Variants in FAM83G observed in about 807,000 individuals in gnomAD.
FAM83G encodes protein FAM83G.
FAM83G carries 38 observed loss-of-function variants against 61.5 expected under a neutral mutation model. The ratio of observed to expected loss-of-function variants is 0.62; its 90% CI spans 0.48 to 0.81. The LOEUF (loss-of-function observed/expected upper bound fraction) is 0.81, where lower values mean the gene tolerates loss of function less well. Among genes scored for constraint, FAM83G ranks in the 30% least tolerant of loss-of-function variants. The pLI is 0.00. For missense variants in FAM83G, 989 were observed against 1,133.6 expected, an observed-to-expected ratio of 0.87 and a Z score of 1.83; for synonymous variants, 470 against 476.1, an observed-to-expected ratio of 0.99 and a Z score of 0.17.
chr17:18,983,536 T>C (rs112871523), intron 3 of FAM83G, among the ~76,000 whole-genome samples: 7,768 of 152,058 alleles, frequency 0.051, 641 homozygotes, highest in African/African-American at 0.17. Context: ...AGTGGGGAGG[T>C]CCAGAGATGC....
Position 19,004,130 on chromosome 17 carries a change from G to T in FAM83G, c.-89C>A. 7.6e-7 allele frequency: 1 copy of T among 1,307,624 alleles called. No homozygotes were observed. Among genetic ancestry groups the T allele is most frequent in the Non-Finnish European group, 1.0e-6 (1 of 954,974 alleles). 81.0% of individuals were successfully genotyped at this position (1,307,624 alleles called of 1,614,324 possible). On this transcript the variant is annotated 5_prime_UTR_variant, in exon 2 of 6. Transcript: ENST00000388995. The surrounding 1 kb of genome is among the most constrained non-coding windows in gnomAD (Gnocchi z 5.4). ...CCCAGCTGGGGCACCGCGCGCTCGG[G>T]GGCCTCTCCGCGGCCTCTGCTTCTC...
intron 2 of FAM83G, among the ~76,000 whole-genome samples, chr17:18,989,456 C>T (rs1279327361): frequency 7.7e-6 from 1 of 129,638 alleles, no homozygotes; most frequent in Non-Finnish European, 1.6e-5. Context: ...AGGCCCCCAT[C>T]GTTCACCTGG....
intron 5 of FAM83G, 123 bp downstream of exon 5, chr17:18,977,461 G>A (rs1185639275): frequency 1.0e-5 from 10 of 1,000,896 alleles, no homozygotes; most frequent in Non-Finnish European, 1.5e-5. Flanking sequence ...TTCCCCATCT[G>A]TAACAAGGGA....
rs1444665384 is a variant in FAM83G, at chr17:18,978,203, G to C, written c.1463C>G (p.Pro488Arg). 3 of 1,559,996 alleles carry C rather than the reference G, an allele frequency of 1.9e-6. No homozygotes were observed. The highest frequency in any genetic ancestry group is 2.6e-6 in the Non-Finnish European group (3 of 1,153,548). Residue 488 changes from proline (P) to arginine (R), a missense_variant, in exon 5 of 6, where the codon CCA becomes CGA. Transcript: ENST00000388995. ...CCCCTGGGGGAGGCCGTTCTCAGCT[G>C]GGACACCGTCCTGGGGGGCACTGGG... ...PEPSAPQDGVPAENGLPQGDP... is the reference protein window; with the variant it reads ...PEPSAPQDGVRAENGLPQGDP...
chr17:18,973,484 G>A (rs566078462), intron 5 of FAM83G, among the ~76,000 whole-genome samples: 131 of 152,320 alleles, frequency 8.6e-4, no homozygotes, highest in African/African-American at 3.1e-3. Context: ...CCCTTGGGCT[G>A]GGTCTGCCTG....
At chr17:18,998,621 ACT>A (rs2043632587) in intron 2 of FAM83G, among the ~76,000 whole-genome samples, 1 of 152,086 alleles carries the variant, frequency 6.6e-6, no homozygotes. Context: ...ACGGGCAGGC[ACT>A]CTCTCCTTAG....
At position 18,970,836 on chromosome 17, in the gene FAM83G, TAAA is replaced by T. The variant is rs530597462; in HGVS notation, c.*520_*522del. 0.012 allele frequency: 5,993 copies of T among 508,684 alleles called. 279 individuals are homozygous for T. Among genetic ancestry groups the T allele is most frequent in the African/African-American group, 0.11 (5,338 of 50,330 alleles). 31.5% of individuals were successfully genotyped at this position (508,684 alleles called of 1,614,324 possible). On this transcript the variant is annotated 3_prime_UTR_variant, in exon 6 of 6. Transcript: ENST00000388995. ...ATAAAATAGTCATTCAAATACACCT[TAAA>T]AAAAAAAACAACCCTCTACCCTCAC...
chr17:18,994,321 C>T (rs1387319697), intron 2 of FAM83G, among the ~76,000 whole-genome samples: 1 of 152,208 alleles, frequency 6.6e-6, no homozygotes, highest in African/African-American at 2.4e-5. Flanking sequence ...TATTTCCAGG[C>T]TGCAGCACAG....
Position 19,004,321 on chromosome 17 carries a change from T to C in FAM83G, c.-128-152A>G. ...ATGAGGTGGGGGCACTGGACTGGGATGGGAAGAAAGTAAGGGATCGGAACA... is the reference window on the plus strand; with the variant it reads ...ATGAGGTGGGGGCACTGGACTGGGACGGGAAGAAAGTAAGGGATCGGAACA... On this transcript the variant is annotated intron_variant, in intron 1 of 5. Coordinates refer to ENST00000388995, the MANE Select transcript of FAM83G (RefSeq NM_001039999.3). This position sits in a 1 kb window ranked among gnomAD's most constrained non-coding sequence, Gnocchi z 5.4. 1 of 405,666 alleles carries C rather than the reference T, an allele frequency of 2.5e-6. No homozygotes were observed. The highest frequency in any genetic ancestry group is 4.4e-6 in the Non-Finnish European group (1 of 226,878). The allele number at this position is 405,666 out of a possible 1,614,324, so 25.1% of individuals were successfully genotyped here.
chr17:18,987,944 G>A lies in FAM83G; in HGVS notation c.690+303C>T, dbSNP rs572292076. 6.6e-5 allele frequency among the ~76,000 whole-genome samples: 10 copies of A among 152,358 alleles called. No homozygotes were observed. The South Asian group carries it at 1.9e-3, about 28-fold the overall frequency. On this transcript the variant is annotated intron_variant, in intron 3 of 5. Coordinates refer to ENST00000388995, the MANE Select transcript of FAM83G (RefSeq NM_001039999.3). ...GAGGTATGCAAGCAAACAGATAACCGATGTGGCATGGGCTGCTCTGAAATA... is the reference window on the plus strand; with the variant it reads ...GAGGTATGCAAGCAAACAGATAACCAATGTGGCATGGGCTGCTCTGAAATA...
chr17:18,997,802 G>GA (rs2043604593), intron 2 of FAM83G, among the ~76,000 whole-genome samples: 1 of 152,234 alleles, frequency 6.6e-6, no homozygotes, highest in African/African-American at 2.4e-5. Flanking sequence ...AGTGAGGAGT[G>GA]AAGGTGGAGG....
intron 3 of FAM83G, among the ~76,000 whole-genome samples, chr17:18,986,618 A>G (rs1234562327): frequency 6.6e-6 from 1 of 152,236 alleles, no homozygotes; most frequent in South Asian, 2.1e-4. Flanking sequence ...CTCTGCAAGC[A>G]GCGGAGCAGC....
intron 2 of FAM83G, among the ~76,000 whole-genome samples, chr17:18,990,286 C>T (rs1350578277): frequency 6.6e-6 from 1 of 152,178 alleles, no homozygotes; most frequent in Non-Finnish European, 1.5e-5. Context: ...AGACACGATG[C>T]AGGCAGGTCA....
In FAM83G at chr17:18,971,679, G is replaced by A; in HGVS notation, c.2152C>T (p.Pro718Ser). 1 of 1,610,486 alleles carries A rather than the reference G, an allele frequency of 6.2e-7. No homozygotes were observed. Among genetic ancestry groups the A allele is most frequent in the Non-Finnish European group, 8.5e-7 (1 of 1,177,772 alleles). ...CTGTCAGCAGCAGAGCGGTACCTAG[G>A]GGGTCCTGGGAAGCCGTCTTTATCC... ...TRDKDGFPGP[P>S]RYRSAADSVQ... Residue 718 changes from proline (P) to serine (S), a missense_variant, in exon 6 of 6, where the codon CCT becomes TCT. Physicochemically the swap from Pro to Ser is moderately conservative, Grantham distance 74. Around this residue, in one of 3 missense-constraint regions of FAM83G, gnomAD observed 574 missense variants for 645.1 expected, o/e 0.89. Transcript: ENST00000388995. The surrounding 1 kb of genome is among the most constrained non-coding windows in gnomAD (Gnocchi z 5.5).
rs2042840581 is a variant in FAM83G, at chr17:18,971,339, C to T, written c.*20G>A. ...TGGGCTGGGGCCTCAGAAGGTGTGG[C>T]TCCAGGCTGGGACATGCTGCTAGGG... is the stretch of plus-strand genomic sequence containing the variant. On this transcript the variant is annotated 3_prime_UTR_variant, in exon 6 of 6. Coordinates refer to ENST00000388995, the MANE Select transcript of FAM83G (RefSeq NM_001039999.3). The surrounding 1 kb of genome is among the most constrained non-coding windows in gnomAD (Gnocchi z 5.5). 2 of 1,605,156 alleles carry T rather than the reference C, an allele frequency of 1.2e-6. No homozygotes were observed. Among genetic ancestry groups the T allele is most frequent in the East Asian group, 2.2e-5 (1 of 44,666 alleles).
chr17:18,994,043 C>T (rs746497869), intron 2 of FAM83G, among the ~76,000 whole-genome samples: 17 of 152,196 alleles, frequency 1.1e-4, no homozygotes, highest in Admixed American at 8.5e-4. Flanking sequence ...CACTACCCTC[C>T]GGGCCAGCTG....
intron 2 of FAM83G, among the ~76,000 whole-genome samples, chr17:18,994,448 A>C (rs889154464): frequency 6.6e-6 from 1 of 152,172 alleles, no homozygotes; most frequent in Non-Finnish European, 1.5e-5. Flanking sequence ...AGCTGCACAG[A>C]GTGAACTCCA....
chr17:18,970,534 A>T lies in FAM83G; in HGVS notation c.*825T>A. ...CCTGTCTCCCTCTTCTCTGTGCCTCAGGGGGTGGGGCCACATCACCACCAG... is the reference window on the plus strand; with the variant it reads ...CCTGTCTCCCTCTTCTCTGTGCCTCTGGGGGTGGGGCCACATCACCACCAG... On this transcript the variant is annotated 3_prime_UTR_variant, in exon 6 of 6. Coordinates refer to ENST00000388995, the MANE Select transcript of FAM83G (RefSeq NM_001039999.3). The T allele has an allele frequency of 5.8e-6, 1 of 172,914 alleles. No homozygotes were observed. Among genetic ancestry groups the T allele is most frequent in the South Asian group, 1.4e-4 (1 of 7,370 alleles). The allele number at this position is 172,914 out of a possible 1,614,324, so 10.7% of individuals were successfully genotyped here.
chr17:19,002,118 C>CCCT (rs57993472), intron 2 of FAM83G, among the ~76,000 whole-genome samples: 21,050 of 152,096 alleles, frequency 0.14, 1,537 homozygotes, highest in African/African-American at 0.18. Context: ...TTCCTCCTCC[C>CCCT]CCTCCTCCTC....
Sources: gnomAD v4.1 joint callset for allele counts (sites outside exome capture counted in the v4.1 genomes callset) on GRCh38, gnomAD v4.1.1 for gene constraint, gnomAD v4.1.1 regional missense constraint, Gnocchi (gnomAD v3.1) non-coding constraint, MANE v1.5 for transcripts, NCBI Gene and HGNC (gene_info 2026-07-23, HGNC 2026-07-21) for gene names.